Variants in IL16 observed in about 807,000 individuals in gnomAD.
The protein encoded by IL16 is interleukin 16, also known as pro-interleukin-16.
In IL16, 67 loss-of-function variants were observed where a neutral mutation model predicts 110.1. The observed-to-expected ratio is 0.61, with a 90% CI of 0.50 to 0.75. IL16 has a LOEUF of 0.75. IL16 is among the 30% of genes least tolerant of loss of function. IL16 has a pLI of 0.00. For synonymous variants in IL16, 689 were observed against 662.9 expected (o/e 1.04, Z -0.61); for missense variants, 1,545 against 1,655.0 (o/e 0.93, Z 1.15).
intron 2 of IL16, among the ~76,000 whole-genome samples, chr15:81,237,033 A>G (rs910836779): frequency 6.6e-6 from 1 of 152,200 alleles, no homozygotes; most frequent in Admixed American, 6.5e-5. Flanking sequence ...ACGGCCCTTC[A>G]TTTGTACATT....
Position 81,308,037 on chromosome 15 carries a change from A to G in IL16, c.3806-568A>G, listed in dbSNP as rs184073013. ...GGATGGGAAATTTTATTTTAATATA[A>G]ACAGTAAAATAGCATTGTTTTCACT... On this transcript the variant is annotated intron_variant, in intron 18 of 18. Coordinates refer to ENST00000683961, the MANE Select transcript of IL16 (RefSeq NM_172217.5). Among the ~76,000 whole-genome samples, 7 of 152,362 alleles carry G rather than the reference A, an allele frequency of 4.6e-5. No individual in the cohort carries two copies. In the East Asian group the frequency reaches 1.3e-3, roughly 29 times the overall value.
intron 2 of IL16, among the ~76,000 whole-genome samples, chr15:81,256,082 A>C (rs1897933888): frequency 6.6e-6 from 1 of 152,206 alleles, no homozygotes; most frequent in African/African-American, 2.4e-5. Context: ...AATTCATGAG[A>C]GCAAGACCTT....
At chr15:81,295,492 A>T (rs990496901) in intron 12 of IL16, 4 of 1,289,748 alleles carry the variant, frequency 3.1e-6, no homozygotes, top group Non-Finnish European at 4.0e-6. Context: ...GAATGTCAAC[A>T]GATGTCAACT....
chr15:81,251,049 G>T (rs1216887546), intron 2 of IL16, among the ~76,000 whole-genome samples: 3 of 152,088 alleles, frequency 2.0e-5, no homozygotes, highest in African/African-American at 4.8e-5. Context: ...TCTGGGCTCT[G>T]CTTGTTTCTC....
rs1282242074 is a variant in IL16 at position 81,299,796 on chromosome 15, G to C, written c.2470G>C (p.Glu824Gln). The change falls in exon 14 of 19, where the codon GAG (glutamate) becomes CAG (glutamine). Residue 824 changes from glutamate to glutamine, a missense_variant. By Grantham distance (29) the Glu-to-Gln change is conservative (BLOSUM62 2). Coordinates refer to ENST00000683961, the MANE Select transcript of IL16 (RefSeq NM_172217.5). ...LSTQPAPASR[E>Q]HLGSHIRASS... is the part of the protein sequence containing the mutation. ...CACCCAGCCAGCACCTGCTTCCAGG[G>C]AGCACCTAGGATCACACATCCGGGC... 1 of 1,613,942 alleles carries C rather than the reference G, an allele frequency of 6.2e-7. No individual in the cohort carries two copies. The highest frequency in any genetic ancestry group is 2.2e-5 in the East Asian group (1 of 44,872).
intron 1 of IL16, among the ~76,000 whole-genome samples, chr15:81,184,579 T>A (rs1033297096): frequency 6.6e-6 from 1 of 152,218 alleles, no homozygotes; most frequent in Non-Finnish European, 1.5e-5. Context: ...TTGTGAGTTG[T>A]CACAGGCAAC....
intron 1 of IL16, among the ~76,000 whole-genome samples, chr15:81,206,848 G>T (rs1322874984): frequency 6.6e-6 from 1 of 150,418 alleles, no homozygotes; most frequent in Non-Finnish European, 1.5e-5. Context: ...GTTCAGAAGA[G>T]AATTTCGGGC....
intron 1 of IL16, among the ~76,000 whole-genome samples, chr15:81,221,390 T>C (rs1358802517): frequency 1.3e-5 from 2 of 152,120 alleles, no homozygotes; most frequent in African/African-American, 4.8e-5. Context: ...TGGGGAAAGA[T>C]AAGGGAAAGC....
intron 16 of IL16, 131 bp from the exon 17 acceptor site, chr15:81,305,777 G>A: frequency 8.8e-7 from 1 of 1,142,778 alleles, no homozygotes; most frequent in Non-Finnish European, 1.2e-6. Context: ...TCCAATCTAG[G>A]ACACAATTAT....
At position 81,308,809 on chromosome 15, in the gene IL16, C is replaced by A. The variant is rs889145206; in HGVS notation, c.*11C>A. Reference sequence around the variant, plus strand: ...GCTGGAGACTCCTAGGCAGGACATGCTGAAGCCAAAGCCAATAACACACAG... The same window carrying A: ...GCTGGAGACTCCTAGGCAGGACATGATGAAGCCAAAGCCAATAACACACAG... On this transcript the variant is annotated 3_prime_UTR_variant, in exon 19 of 19. Coordinates refer to ENST00000683961, the MANE Select transcript of IL16 (RefSeq NM_172217.5). The A allele has an allele frequency of 8.1e-6, 13 of 1,604,678 alleles. No homozygotes were observed. Among genetic ancestry groups the A allele is most frequent in the Non-Finnish European group, 1.1e-5 (13 of 1,176,322 alleles).
intron 1 of IL16, among the ~76,000 whole-genome samples, chr15:81,222,780 A>C (rs1328155656): frequency 2.0e-5 from 3 of 151,618 alleles, no homozygotes; most frequent in Non-Finnish European, 4.4e-5. Flanking sequence ...ACATACCCAC[A>C]CACATCTTTC....
At chr15:81,254,575 G>A (rs192760624) in intron 2 of IL16, among the ~76,000 whole-genome samples, 1 of 152,218 alleles carries the variant, frequency 6.6e-6, no homozygotes, top group African/African-American at 2.4e-5. Flanking sequence ...AGGTAATTAC[G>A]GGGTGTATCA....
chr15:81,306,318 G>A, intron 17 of IL16, 102 bp from the exon 18 acceptor site: 2 of 1,548,102 alleles, frequency 1.3e-6, no homozygotes, highest in Non-Finnish European at 1.7e-6. Context: ...GTGCCTGTGT[G>A]CAAACACGGG....
chr15:81,225,162 T>G, intron 1 of IL16, 137 bp from the exon 2 acceptor site: 2 of 668,020 alleles, frequency 3.0e-6, no homozygotes, highest in Non-Finnish European at 4.8e-6. Context: ...GAAGGGCCAG[T>G]GATCTTAAAG....
intron 1 of IL16, among the ~76,000 whole-genome samples, chr15:81,185,197 CTT>C (rs1895401114): frequency 6.6e-6 from 1 of 152,092 alleles, no homozygotes; most frequent in Non-Finnish European, 1.5e-5. Flanking sequence ...TGCCATATGT[CTT>C]TGATAGTTAA....
At chr15:81,242,717 C>T (rs1897378053) in intron 2 of IL16, among the ~76,000 whole-genome samples, 1 of 151,904 alleles carries the variant, frequency 6.6e-6, no homozygotes, top group Non-Finnish European at 1.5e-5. Flanking sequence ...TCTTTTGTTT[C>T]CTTATTGTAG....
At chr15:81,243,164 T>TATATACATATATATATATATATATATA (rs60077602) in intron 2 of IL16, among the ~76,000 whole-genome samples, 10 of 15,754 alleles carry the variant, frequency 6.3e-4, no homozygotes, top group South Asian at 4.0e-3. Context: ...TATATATATA[T>TATATACATATATATATATATATATATA]TTTTTTTTTT....
chr15:81,240,776 C>A lies in IL16; in HGVS notation c.312+15065C>A, dbSNP rs1312199431. 2.6e-5 allele frequency among the ~76,000 whole-genome samples: 4 copies of A among 152,064 alleles called. No individual in the cohort carries two copies. In the South Asian group the frequency reaches 8.3e-4, roughly 32 times the overall value. On this transcript the variant is annotated intron_variant, in intron 2 of 18. Transcript: ENST00000683961. ...AATTTGTCATTTTTACTCTTTTAAT[C>A]GATGAGTAGAAGTTCCTAACTTTAA...
chr15:81,306,953 C>A (rs3926277), intron 18 of IL16: 29,860 of 310,426 alleles, frequency 0.096, 1,892 homozygotes, highest in African/African-American at 0.2. Flanking sequence ...ACAAAATATC[C>A]AAGTTTAAAT....
Sources: allele counts gnomAD v4.1 joint callset (sites outside exome capture counted in the v4.1 genomes callset), GRCh38; gene constraint gnomAD v4.1.1; transcripts MANE v1.5; gene names NCBI Gene and HGNC (gene_info 2026-07-23, HGNC 2026-07-21).